CCDC141: variants seen among roughly 807,000 people sequenced by gnomAD.
CCDC141 encodes coiled-coil domain containing 141.
CCDC141 carries 168 observed loss-of-function variants against 181.0 expected under a neutral mutation model. That is an observed-to-expected ratio of 0.93 (90% CI 0.82 to 1.05). The LOEUF (loss-of-function observed/expected upper bound fraction) is 1.05. Ranked by LOEUF, CCDC141 falls within the 50% of genes least tolerant of loss-of-function variation. The pLI is 0.00. For synonymous variants in CCDC141, 666 were observed against 642.3 expected (o/e 1.04, Z -0.56); for missense variants, 1,902 against 1,788.5 (o/e 1.06, Z -1.14).
chr2:178,864,505 G>A (rs896226877), intron 17 of CCDC141, among the ~76,000 whole-genome samples: 1 of 152,144 alleles, frequency 6.6e-6, no homozygotes, highest in Non-Finnish European at 1.5e-5. Flanking sequence ...GTAACTCCCT[G>A]GAACACAAAT....
chr2:178,976,398 A>G (rs980028493), intron 3 of CCDC141, among the ~76,000 whole-genome samples: 7 of 151,808 alleles, frequency 4.6e-5, no homozygotes, highest in Non-Finnish European at 1.0e-4. Flanking sequence ...GATTAACACA[A>G]TCGACTGTAG....
At chr2:179,002,114 G>A (rs976088501) in intron 2 of CCDC141, 2 of 201,676 alleles carry the variant, frequency 9.9e-6, no homozygotes, top group Non-Finnish European at 2.0e-5. Context: ...CACTGCTCCC[G>A]GCCAAAGTTC....
At chr2:178,863,887 T>C (rs996295193) in intron 17 of CCDC141, among the ~76,000 whole-genome samples, 1 of 152,228 alleles carries the variant, frequency 6.6e-6, no homozygotes, top group East Asian at 1.9e-4. Flanking sequence ...GGCTGCTCAT[T>C]CCTGACACGG....
intron 2 of CCDC141, among the ~76,000 whole-genome samples, chr2:179,021,650 AG>A (rs2042694968): frequency 6.6e-6 from 1 of 152,218 alleles, no homozygotes; most frequent in South Asian, 2.1e-4. Context: ...ACACAGTAAC[AG>A]AAAGAGACAA....
intron 6 of CCDC141, among the ~76,000 whole-genome samples, chr2:178,934,740 C>T (rs1575235797): frequency 1.3e-5 from 2 of 152,272 alleles, no homozygotes; most frequent in South Asian, 4.1e-4. Flanking sequence ...GACTAACAAG[C>T]CATATACACC....
At chr2:178,982,043 G>C (rs763436714) in intron 2 of CCDC141, among the ~76,000 whole-genome samples, 4 of 151,954 alleles carry the variant, frequency 2.6e-5, no homozygotes, top group Non-Finnish European at 5.9e-5. Flanking sequence ...TGATAACTGA[G>C]ATGAAATGGA....
chr2:178,843,798 C>G (rs183437671), intron 22 of CCDC141, among the ~76,000 whole-genome samples: 223 of 152,258 alleles, frequency 1.5e-3, no homozygotes, highest in African/African-American at 5.1e-3. Context: ...ATCTGATCTA[C>G]ATATAAATAA....
At chr2:178,966,654 C>G (rs749072014) in intron 4 of CCDC141, among the ~76,000 whole-genome samples, 1 of 152,008 alleles carries the variant, frequency 6.6e-6, no homozygotes, top group African/African-American at 2.4e-5. Context: ...AAAACCAGTG[C>G]GAAAAGGCTG....
At chr2:179,012,170 T>A (rs1294468439) in intron 2 of CCDC141, among the ~76,000 whole-genome samples, 1 of 151,800 alleles carries the variant, frequency 6.6e-6, no homozygotes, top group East Asian at 1.9e-4. Context: ...ATACAAAACA[T>A]AAATGAAACA....
At chr2:179,018,869 C>G (rs931778560) in intron 2 of CCDC141, among the ~76,000 whole-genome samples, 2 of 151,530 alleles carry the variant, frequency 1.3e-5, no homozygotes, top group African/African-American at 4.8e-5. Flanking sequence ...AGGTAAGTAG[C>G]AAAAAAAGTA....
chr2:178,874,052 G>A (rs1465831813), intron 12 of CCDC141: 4 of 151,998 alleles, frequency 2.6e-5, no homozygotes, highest in Admixed American at 2.6e-4. Context: ...TATGAGCCAC[G>A]ACAACCCAAT....
intron 7 of CCDC141, among the ~76,000 whole-genome samples, chr2:178,909,197 A>T (rs765779033): frequency 2.0e-5 from 3 of 152,188 alleles, no homozygotes; most frequent in Non-Finnish European, 2.9e-5. Flanking sequence ...ATAAATTGAA[A>T]GACTAAGCAT....
intron 2 of CCDC141, among the ~76,000 whole-genome samples, chr2:178,988,891 C>A (rs895094504): frequency 6.6e-6 from 1 of 152,004 alleles, no homozygotes; most frequent in Non-Finnish European, 1.5e-5. Flanking sequence ...GTGTCAGGAC[C>A]ATTCAATTAG....
intron 3 of CCDC141, 133 bp downstream of exon 3, chr2:178,978,351 T>C (rs750962862): frequency 2.9e-5 from 14 of 481,484 alleles, no homozygotes; most frequent in South Asian, 2.8e-4. Flanking sequence ...AAATATATTG[T>C]GTATGTATGT....
At chr2:178,840,453 T>G (rs978886061) in intron 22 of CCDC141, among the ~76,000 whole-genome samples, 10 of 152,174 alleles carry the variant, frequency 6.6e-5, no homozygotes, top group Admixed American at 1.3e-4. Flanking sequence ...TCCAGACCCA[T>G]CTCCCAACTC....
chr2:178,953,434 C>T (rs1049360418), intron 5 of CCDC141, among the ~76,000 whole-genome samples: 2 of 136,834 alleles, frequency 1.5e-5, no homozygotes, highest in African/African-American at 5.3e-5. Context: ...GAGACTCCCT[C>T]TCAAAAAAAA....
rs1233872617 is a variant in CCDC141, at chr2:178,839,598, AAAAAAAAAAT to A, written c.3475-1864_3475-1855del. Among the ~76,000 whole-genome samples the A allele has an allele frequency of 8.0e-5, 12 of 150,606 alleles. 1 individual carries two copies. The highest frequency in any genetic ancestry group is 7.8e-4 in the East Asian group (4 of 5,144). On this transcript the variant is annotated intron_variant, in intron 22 of 23. Transcript: ENST00000443758. The stretch of plus-strand genomic sequence containing the variant: ...TTCGTCTCCAAAAAAAAAAAAAAAA[AAAAAAAAAAT>A]GTGTTTTCAGGTTGAAGAGTCGAAG...
rs1316849100 is a variant in CCDC141 at position 179,015,781 on chromosome 2, ATGTATCATATATATCTCATATATG to A, written c.225+31479_225+31502del. On this transcript the variant is annotated intron_variant, in intron 2 of 23. Transcript: ENST00000443758. Reference sequence around the variant, plus strand: ...CATATATATCATATATATCTCATATATGTATCATATATATCTCATATATGTATCATATATATCTCATATATGTAT... The same window carrying A: ...CATATATATCATATATATCTCATATATATCATATATATCTCATATATGTAT... Among the ~76,000 whole-genome samples the A allele has an allele frequency of 2.5e-3, 253 of 101,476 alleles. 1 individual carries two copies. Among genetic ancestry groups the A allele is most frequent in the Non-Finnish European group, 4.0e-3 (182 of 45,570 alleles). 66.6% of individuals were successfully genotyped at this position (101,476 alleles called of 152,430 possible). A position where few individuals can be genotyped will look rare whatever the true frequency, so the allele number is the denominator to read the frequency against.
chr2:178,839,144 T>C (rs948079452), intron 22 of CCDC141, among the ~76,000 whole-genome samples: 1 of 152,202 alleles, frequency 6.6e-6, no homozygotes, highest in Non-Finnish European at 1.5e-5. Context: ...CTGGGTGCGG[T>C]GGCTCACACC....
Sources: gnomAD v4.1 joint callset for allele counts (sites outside exome capture counted in the v4.1 genomes callset) on GRCh38, gnomAD v4.1.1 for gene constraint, MANE v1.5 for transcripts, NCBI Gene and HGNC (gene_info 2026-07-23, HGNC 2026-07-21) for gene names.